UBE3B: variants seen among roughly 807,000 people sequenced by gnomAD.
UBE3B encodes ubiquitin protein ligase E3B.
Under a neutral mutation model 132.3 loss-of-function variants are expected in UBE3B, and 80 were observed. That is an observed-to-expected ratio of 0.60 (90% CI 0.50 to 0.73). The LOEUF is 0.73. UBE3B is among the 30% of genes least tolerant of loss of function. The probability of loss-of-function intolerance (pLI) is 0.00; values close to 1 mark genes in which losing one functional copy is unlikely to be tolerated. For missense variants in UBE3B, 1,196 were observed against 1,362.5 expected (o/e 0.88, Z 1.92); for synonymous variants, 487 against 520.4 (o/e 0.94, Z 0.87).
Position 109,530,623 on chromosome 12 carries a change from G to A in UBE3B, c.2887G>A (p.Asp963Asn), listed in dbSNP as rs61748816. 7.9e-5 allele frequency: 128 copies of A among 1,614,146 alleles called. 1 individual carries two copies. In the African/African-American group the frequency reaches 9.5e-4, roughly 12 times the overall value. ...CTGGCTCTGGGATATTCTGGCCTCC[G>A]ACTTCACACCGGATGAGAGAGCTAT... The part of the protein sequence containing the change: ...IIWLWDILAS[D>N]FTPDERAMFL... The change falls in exon 26 of 28, where the codon GAC (aspartate) becomes AAC (asparagine). Residue 963 changes from aspartate to asparagine, a missense_variant. Asp to Asn is a conservative substitution (Grantham distance 23). Transcript: ENST00000342494.
intron 26 of UBE3B, among the ~76,000 whole-genome samples, chr12:109,532,850 T>C (rs543348672): frequency 3.3e-5 from 5 of 152,326 alleles, no homozygotes; most frequent in Admixed American, 3.3e-4. Flanking sequence ...ATTAGTCTCT[T>C]GCACAGGGTC....
rs761700377 is a variant in UBE3B at position 109,516,780 on chromosome 12, C to T, written c.1972C>T (p.Arg658Ter). The T allele has an allele frequency of 2.5e-6, 4 of 1,613,950 alleles. No homozygotes were observed. Among genetic ancestry groups the T allele is most frequent in the South Asian group, 1.1e-5 (1 of 91,066 alleles). ...TTCATTTTAGAGAGTTCTACTGTTT[C>T]GAACCATGGTTACCAAGGAGAAGGA... ...IPHKNRVLLFRTMVTKEKEKL... is the reference protein window; with the variant it reads ...IPHKNRVLLF The change falls in exon 19 of 28, where the codon CGA (arginine) becomes TGA (stop). Residue 658 changes from arginine (R) to a stop codon, truncating the protein, a stop_gained. Coordinates refer to ENST00000342494, the MANE Select transcript of UBE3B (RefSeq NM_130466.4). LOFTEE classifies it high-confidence loss of function.
rs1229192009 is a variant in UBE3B, at chr12:109,534,843, G to A, written c.*61G>A. The A allele has an allele frequency of 2.2e-6, 3 of 1,388,858 alleles. No individual in the cohort carries two copies. The African/African-American group carries it at 4.4e-5, about 20-fold the overall frequency. The allele number at this position is 1,388,858 out of a possible 1,614,324, so 86.0% of individuals were successfully genotyped here. ...TGCCAGGGACCTTCAGCTCCCAGAG[G>A]CAGTGTGGTCCTGGGAATGTGACCA... is the stretch of plus-strand genomic sequence containing the variant. On this transcript the variant is annotated 3_prime_UTR_variant, in exon 28 of 28. Coordinates refer to ENST00000342494, the MANE Select transcript of UBE3B (RefSeq NM_130466.4). This position sits in a 1 kb window ranked among gnomAD's most constrained non-coding sequence, Gnocchi z 5.2.
At chr12:109,479,426 C>T (rs1363900628) in intron 1 of UBE3B, among the ~76,000 whole-genome samples, 1 of 151,972 alleles carries the variant, frequency 6.6e-6, no homozygotes, top group African/African-American at 2.4e-5. Flanking sequence ...ACTATTATTA[C>T]CCTCGATTTA....
intron 6 of UBE3B, 124 bp downstream of exon 6, chr12:109,486,699 G>T: frequency 1.3e-6 from 1 of 782,178 alleles, no homozygotes; most frequent in Non-Finnish European, 2.0e-6. Flanking sequence ...TTGAGCCACT[G>T]TTCTGGAAGA....
intron 9 of UBE3B, among the ~76,000 whole-genome samples, chr12:109,493,555 T>C (rs1053848799): frequency 2.0e-5 from 3 of 152,250 alleles, no homozygotes; most frequent in Non-Finnish European, 4.4e-5. Flanking sequence ...AATCACTTGT[T>C]AAGGCCAGGC....
chr12:109,490,640 TATG>T lies in UBE3B; in HGVS notation c.631-401_631-399del, dbSNP rs1402593971. 4.0e-6 allele frequency: 6 copies of T among 1,517,394 alleles called. No homozygotes were observed. In the African/African-American group the frequency reaches 8.3e-5, roughly 21 times the overall value. 94.0% of individuals were successfully genotyped at this position (1,517,394 alleles called of 1,614,324 possible). Reference sequence around the variant, plus strand: ...CATAATTAAACGGCTTCTAAAATAATATGATGTCTTTAAATTTTAAGTCTGGCA... The same window carrying T: ...CATAATTAAACGGCTTCTAAAATAATATGTCTTTAAATTTTAAGTCTGGCA... On this transcript the variant is annotated intron_variant, in intron 8 of 27. Transcript: ENST00000342494.
In UBE3B at chr12:109,483,981, G is replaced by C. The variant is rs777459573; in HGVS notation, c.282G>C (p.Glu94Asp). The C allele has an allele frequency of 1.4e-5, 22 of 1,608,334 alleles. No homozygotes were observed. The highest frequency in any genetic ancestry group is 1.9e-5 in the Non-Finnish European group (22 of 1,177,662). Reference protein sequence around the residue: ...LFLFRIKEDNERFEKLCRSIL... With the variant: ...LFLFRIKEDNDRFEKLCRSIL... ...TATTCAGAATCAAAGAGGATAATGA[G>C]GTAAAACGATAATAGCAAACATGTA... Residue 94 changes from glutamate to aspartate, a missense_variant and splice_region_variant, in exon 4 of 28, where the codon GAG becomes GAC. Coordinates refer to ENST00000342494, the MANE Select transcript of UBE3B (RefSeq NM_130466.4).
In UBE3B at chr12:109,533,867, T is replaced by C. The variant is rs750638203; in HGVS notation, c.3015+309T>C. The stretch of plus-strand genomic sequence containing the variant: ...TCTGGCCTCACCAGGGCTCCAGATC[T>C]GAGGCAGCATGGGAGAAAGTGAGAG... On this transcript the variant is annotated intron_variant, in intron 27 of 27. Transcript: ENST00000342494. The C allele has an allele frequency of 1.2e-5, 15 of 1,287,988 alleles. No homozygotes were observed. The South Asian group carries it at 1.9e-4, about 16-fold the overall frequency. The allele number at this position is 1,287,988 out of a possible 1,614,324, so 79.8% of individuals were successfully genotyped here.
In UBE3B at chr12:109,521,602, A is replaced by G. The variant is rs1451254800; in HGVS notation, c.2364+51A>G. ...TGTAAAATAAAATGTTAACGGTACC[A>G]TGGGCTTCTTCACATACACATATGT... On this transcript the variant is annotated intron_variant, in intron 21 of 27. Coordinates refer to ENST00000342494, the MANE Select transcript of UBE3B (RefSeq NM_130466.4). This position sits in a 1 kb window ranked among gnomAD's most constrained non-coding sequence, Gnocchi z 4.2. The G allele has an allele frequency of 1.4e-6, 2 of 1,475,422 alleles. No individual in the cohort carries two copies. Among genetic ancestry groups the G allele is most frequent in the Non-Finnish European group, 1.8e-6 (2 of 1,092,734 alleles). 91.4% of individuals were successfully genotyped at this position (1,475,422 alleles called of 1,614,324 possible).
At chr12:109,524,278 C>T (rs1438590918) in intron 22 of UBE3B, among the ~76,000 whole-genome samples, 160 bp from the exon 23 acceptor site, 4 of 152,232 alleles carry the variant, frequency 2.6e-5, no homozygotes, top group Admixed American at 2.0e-4. Flanking sequence ...CTGATCCTCA[C>T]AACCTCCTTC....
At chr12:109,483,495 C>A in intron 2 of UBE3B, 36 bp from the exon 3 acceptor site, 1 of 1,511,208 alleles carries the variant, frequency 6.6e-7, no homozygotes, top group Non-Finnish European at 8.8e-7. Context: ...TTTCACACAA[C>A]AATCTACAAC....
chr12:109,533,615 C>A, intron 27 of UBE3B, 57 bp downstream of exon 27: 1 of 1,455,566 alleles, frequency 6.9e-7, no homozygotes. Flanking sequence ...TGGTTGTCTG[C>A]TGTGCCCACT....
intron 18 of UBE3B, among the ~76,000 whole-genome samples, chr12:109,513,307 G>T (rs953130268): frequency 6.7e-5 from 10 of 149,700 alleles, no homozygotes; most frequent in African/African-American, 2.6e-4. Flanking sequence ...GCCACTGGAG[G>T]TGCTGCACAA....
downstream of UBE3B, among the ~76,000 whole-genome samples, chr12:109,538,789 C>T (rs982623210): frequency 1.3e-5 from 2 of 152,182 alleles, no homozygotes; most frequent in Non-Finnish European, 2.9e-5. This position sits in a 1 kb window ranked among gnomAD's most constrained non-coding sequence, Gnocchi z 4.1. Context: ...TCCACACTGC[C>T]GCCTCTGAGG....
At chr12:109,546,661 A>C in the UBE3B span, among the ~76,000 whole-genome samples, 2 of 152,310 alleles carry the variant, frequency 1.3e-5, no homozygotes, top group African/African-American at 4.8e-5. Context: ...TTCAATAAAT[A>C]TTTTTGGGCA....
chr12:109,480,946 C>T (rs1875282914), intron 1 of UBE3B, among the ~76,000 whole-genome samples: 1 of 151,976 alleles, frequency 6.6e-6, no homozygotes, highest in Non-Finnish European at 1.5e-5. Flanking sequence ...ACAGGCAGCC[C>T]TTTATTCACT....
rs750663891 is a variant in UBE3B, at chr12:109,524,446, T to A, written c.2511T>A (p.Asp837Glu). 2 of 1,614,216 alleles carry A rather than the reference T, an allele frequency of 1.2e-6. No homozygotes were observed. Residue 837 changes from aspartate to glutamate, a missense_variant, in exon 23 of 28, where the codon GAT becomes GAA. Asp to Glu is a conservative substitution (Grantham distance 45). Transcript: ENST00000342494. ...YKNLTSIKRY[D>E]GDITDLGLTL... Reference sequence around the variant, plus strand: ...CTTCTCTGTTACATTAGCGCTATGATGGGGACATCACTGACCTGGGCCTGA... The same window carrying A: ...CTTCTCTGTTACATTAGCGCTATGAAGGGGACATCACTGACCTGGGCCTGA...
chr12:109,520,717 T>G (rs1881601380), intron 19 of UBE3B: 1 of 154,238 alleles, frequency 6.5e-6, no homozygotes. Context: ...GTAATTCTTT[T>G]CATTTTACAG....
Sources: gnomAD v4.1 joint callset for allele counts (sites outside exome capture counted in the v4.1 genomes callset) on GRCh38, gnomAD v4.1.1 for gene constraint, Gnocchi (gnomAD v3.1) non-coding constraint, MANE v1.5 for transcripts, NCBI Gene and HGNC (gene_info 2026-07-23, HGNC 2026-07-21) for gene names.